The following AKT3 variants were observed in gnomAD, a reference collection of about 807,000 sequenced individuals.
The protein encoded by AKT3 is RAC-gamma serine/threonine-protein kinase.
In AKT3, 15 loss-of-function variants were observed where a neutral mutation model predicts 65.3. The ratio of observed to expected loss-of-function variants is 0.23; its 90% CI spans 0.15 to 0.35. AKT3 has a LOEUF of 0.35. AKT3 is among the 10% of genes least tolerant of loss of function. AKT3 has a pLI of 1.00. For missense variants in AKT3, 243 were observed against 576.5 expected (o/e 0.42, Z 5.92); for synonymous variants, 206 against 183.8 (o/e 1.12, Z -0.98).
chr1:243,718,037 AG>A (rs1686621367), intron 2 of AKT3, among the ~76,000 whole-genome samples: 1 of 152,242 alleles, frequency 6.6e-6, no homozygotes, highest in South Asian at 2.1e-4. Flanking sequence ...GTAAGGTCAA[AG>A]AAGAGAGCTA....
intron 8 of AKT3, among the ~76,000 whole-genome samples, chr1:243,598,906 C>T (rs10927043): frequency 0.22 from 32,751 of 152,012 alleles, 3,745 homozygotes; most frequent in African/African-American, 0.27. Flanking sequence ...TTAATACATA[C>T]TTTTGATTGA....
At chr1:243,623,469 GA>G (rs1678918370) in intron 6 of AKT3, among the ~76,000 whole-genome samples, 1 of 152,160 alleles carries the variant, frequency 6.6e-6, no homozygotes, top group South Asian at 2.1e-4. Context: ...GACTGAGTGA[GA>G]AATATTCACC....
chr1:243,648,664 T>G (rs1681034515), intron 4 of AKT3, among the ~76,000 whole-genome samples: 1 of 152,202 alleles, frequency 6.6e-6, no homozygotes, highest in Admixed American at 6.5e-5. Context: ...ATTTCTAACT[T>G]AAATGTTTGA....
At chr1:243,698,663 T>C (rs1685216516) in intron 2 of AKT3, among the ~76,000 whole-genome samples, 2 of 152,114 alleles carry the variant, frequency 1.3e-5, no homozygotes, top group South Asian at 4.1e-4. Context: ...CTCACTCACA[T>C]AGAAGAAAAA....
rs879188187 is a variant in AKT3 at position 243,503,101 on chromosome 1, G to GA, written c.*2147dup. ...TGAAACATTCAACATAATTCCAAGTGAAAAAAAAAAGATTAGCTATGTGTG... is the reference window on the plus strand; with the variant it reads ...TGAAACATTCAACATAATTCCAAGTGAAAAAAAAAAAGATTAGCTATGTGTG... On this transcript the variant is annotated 3_prime_UTR_variant, in exon 14 of 14. Coordinates refer to ENST00000673466, the MANE Select transcript of AKT3 (RefSeq NM_005465.7). The GA allele has an allele frequency of 2.4e-3, 516 of 213,450 alleles. 1 individual carries two copies. The highest frequency in any genetic ancestry group is 9.3e-3 in the South Asian group (48 of 5,170). The allele number at this position is 213,450 out of a possible 1,614,324, so 13.2% of individuals were successfully genotyped here.
At position 243,635,944 on chromosome 1, in the gene AKT3, AAGC is replaced by A. The variant is rs1679940771; in HGVS notation, c.561+1664_561+1666del. On this transcript the variant is annotated intron_variant, in intron 6 of 13. Coordinates refer to ENST00000673466, the MANE Select transcript of AKT3 (RefSeq NM_005465.7). ...AACGATAAATAGATTTGTTGGGAGA[AAGC>A]AGCAAGGCACTACTTCAATCAGAAT... Among the ~76,000 whole-genome samples, 2 of 152,074 alleles carry A rather than the reference AAGC, an allele frequency of 1.3e-5. 1 individual carries two copies. The highest frequency in any genetic ancestry group is 4.1e-4 in the South Asian group (2 of 4,836).
chr1:243,682,643 A>G (rs1224501867), intron 3 of AKT3, among the ~76,000 whole-genome samples: 1 of 152,128 alleles, frequency 6.6e-6, no homozygotes, highest in African/African-American at 2.4e-5. Flanking sequence ...TCCTCATTTG[A>G]TATTTTTCAC....
At chr1:243,532,445 T>C (rs780418330) in intron 12 of AKT3, among the ~76,000 whole-genome samples, 4 of 152,336 alleles carry the variant, frequency 2.6e-5, no homozygotes, top group Admixed American at 1.3e-4. Context: ...ATTCTATTAA[T>C]GTGGGACATT....
intron 8 of AKT3, among the ~76,000 whole-genome samples, chr1:243,611,896 C>G (rs1268794444): frequency 6.6e-6 from 1 of 152,116 alleles, no homozygotes; most frequent in Non-Finnish European, 1.5e-5. Context: ...CTCATTAAGC[C>G]TACTCTAAGT....
rs978073862 is a variant in AKT3, at chr1:243,502,479, CAGTT to C, written c.*2766_*2769del. The C allele has an allele frequency of 7.7e-5, 18 of 233,302 alleles. No individual in the cohort carries two copies. In the South Asian group the frequency reaches 1.6e-3, roughly 21 times the overall value. The allele number at this position is 233,302 out of a possible 1,614,324, so 14.5% of individuals were successfully genotyped here. ...TATGACAAGAAGTCAAGCTTCATGA[CAGTT>C]AGTATGGGCTGGAGTCTGCAAAGTC... On this transcript the variant is annotated 3_prime_UTR_variant, in exon 14 of 14. Coordinates refer to ENST00000673466, the MANE Select transcript of AKT3 (RefSeq NM_005465.7).
At chr1:243,512,934 T>C (rs1376791149) in intron 12 of AKT3, among the ~76,000 whole-genome samples, 1 of 152,206 alleles carries the variant, frequency 6.6e-6, no homozygotes, top group African/African-American at 2.4e-5. Context: ...TGATAAGAGA[T>C]GGGCATTGAT....
At position 243,722,898 on chromosome 1, in the gene AKT3, A is replaced by G. The variant is rs151290809; in HGVS notation, c.47-27182T>C. On this transcript the variant is annotated intron_variant, in intron 2 of 13. Transcript: ENST00000673466. ...ACCCATTTTCAAAATTATCAAGGCCACTTTTCATTTAAACATTAACATTTA... is the reference window on the plus strand; with the variant it reads ...ACCCATTTTCAAAATTATCAAGGCCGCTTTTCATTTAAACATTAACATTTA... 9.5e-3 allele frequency among the ~76,000 whole-genome samples: 1,441 copies of G among 152,344 alleles called. 6 individuals carry two copies. The highest frequency in any genetic ancestry group is 0.015 in the Non-Finnish European group (1,012 of 68,028).
At chr1:243,809,295 T>C (rs1692966606) in intron 2 of AKT3, among the ~76,000 whole-genome samples, 1 of 152,152 alleles carries the variant, frequency 6.6e-6, no homozygotes, top group Non-Finnish European at 1.5e-5. Flanking sequence ...CCATCTCATG[T>C]GCGGAGACAC....
intron 4 of AKT3, among the ~76,000 whole-genome samples, chr1:243,660,598 A>G (rs1370529048): frequency 6.6e-6 from 1 of 152,208 alleles, no homozygotes; most frequent in Admixed American, 6.5e-5. Flanking sequence ...ACCCACAGCC[A>G]ATATCATACT....
At chr1:243,756,494 A>T (rs1689148410) in intron 2 of AKT3, among the ~76,000 whole-genome samples, 1 of 152,256 alleles carries the variant, frequency 6.6e-6, no homozygotes, top group East Asian at 1.9e-4. Flanking sequence ...CAATCTGGAT[A>T]TCAAAATACA....
intron 8 of AKT3, among the ~76,000 whole-genome samples, chr1:243,590,266 C>T (rs1676131039): frequency 6.6e-6 from 1 of 152,098 alleles, no homozygotes; most frequent in Admixed American, 6.6e-5. Context: ...ACAAAGGTAA[C>T]TGATAGGTGA....
At chr1:243,488,957 G>A (rs1457470621) in intron 13 of AKT3, 1 of 1,612,112 alleles carries the variant, frequency 6.2e-7, no homozygotes, top group Non-Finnish European at 8.5e-7. Flanking sequence ...ACAGCCCCTG[G>A]GCCTGTTGAA....
chr1:243,827,761 G>T (rs1694259224), intron 2 of AKT3, among the ~76,000 whole-genome samples: 1 of 152,112 alleles, frequency 6.6e-6, no homozygotes, highest in Non-Finnish European at 1.5e-5. Context: ...GTATCATAAT[G>T]AAGACCAAAT....
At chr1:243,679,003 G>A (rs1306027829) in intron 3 of AKT3, among the ~76,000 whole-genome samples, 2 of 151,810 alleles carry the variant, frequency 1.3e-5, no homozygotes, top group Non-Finnish European at 2.9e-5. Flanking sequence ...AAAGACTAAC[G>A]CCTTCTCTTT....
Sources: allele counts gnomAD v4.1 joint callset (sites outside exome capture counted in the v4.1 genomes callset), GRCh38; gene constraint gnomAD v4.1.1; transcripts MANE v1.5; gene names NCBI Gene and HGNC (gene_info 2026-07-23, HGNC 2026-07-21).